Variants in BMPER observed in about 807,000 individuals in gnomAD.
BMPER encodes the protein BMP-binding endothelial regulator protein.
BMPER carries 45 observed loss-of-function variants against 87.3 expected under a neutral mutation model. The observed-to-expected ratio is 0.52, with a 90% confidence interval of 0.41 to 0.66. The LOEUF is 0.66. BMPER is among the 30% of genes least tolerant of loss of function. The pLI is 0.00. For synonymous variants in BMPER, 326 were observed against 316.2 expected (o/e 1.03, Z -0.33); for missense variants, 784 against 867.5 (o/e 0.90, Z 1.21).
chr7:33,988,912 A>G (rs1162017642), intron 6 of BMPER, among the ~76,000 whole-genome samples: 12 of 128,176 alleles, frequency 9.4e-5, no homozygotes, highest in African/African-American at 3.4e-4. Flanking sequence ...GATGATTTCC[A>G]ATTTCATCCA....
chr7:33,986,974 T>A (rs975456290), intron 6 of BMPER, among the ~76,000 whole-genome samples: 6 of 151,970 alleles, frequency 3.9e-5, no homozygotes, highest in Admixed American at 3.9e-4. Context: ...CTGTTCCATC[T>A]CCTTCCCCGC....
intron 3 of BMPER, among the ~76,000 whole-genome samples, chr7:33,962,509 A>C (rs1035244596): frequency 1.1e-4 from 17 of 152,330 alleles, no homozygotes; most frequent in Admixed American, 2.6e-4. Context: ...GTTTAGCATC[A>C]TCCCTGGCCT....
At chr7:34,099,692 C>T (rs1221997960) in intron 13 of BMPER, among the ~76,000 whole-genome samples, 5 of 152,174 alleles carry the variant, frequency 3.3e-5, no homozygotes, top group African/African-American at 1.2e-4. Flanking sequence ...AGGCTGAATT[C>T]ATCATGGAAT....
chr7:34,093,809 T>C (rs1444757391), intron 13 of BMPER, among the ~76,000 whole-genome samples: 3 of 152,222 alleles, frequency 2.0e-5, no homozygotes, highest in Non-Finnish European at 4.4e-5. Context: ...CTAATTATTT[T>C]GTAGCATCTC....
chr7:34,130,047 C>T (rs1379681741), intron 13 of BMPER, among the ~76,000 whole-genome samples: 1 of 152,036 alleles, frequency 6.6e-6, no homozygotes, highest in Non-Finnish European at 1.5e-5. Context: ...TCCCTGTGTT[C>T]TTGACCCCCT....
At chr7:34,070,520 C>T (rs1048721928) in intron 11 of BMPER, among the ~76,000 whole-genome samples, 2 of 152,168 alleles carry the variant, frequency 1.3e-5, no homozygotes, top group African/African-American at 4.8e-5. Flanking sequence ...TTCTCCTTCA[C>T]CCCTTTTTGC....
intron 13 of BMPER, among the ~76,000 whole-genome samples, chr7:34,107,494 A>T (rs1040330648): frequency 2.0e-5 from 3 of 152,192 alleles, no homozygotes; most frequent in African/African-American, 7.2e-5. Flanking sequence ...CCAGGGACCA[A>T]ATTGGAACAA....
intron 6 of BMPER, among the ~76,000 whole-genome samples, chr7:33,989,621 T>C (rs912374837): frequency 1.3e-5 from 2 of 152,246 alleles, no homozygotes; most frequent in African/African-American, 4.8e-5. Flanking sequence ...TTAGTTTAAT[T>C]AGATCCCATT....
intron 2 of BMPER, among the ~76,000 whole-genome samples, chr7:33,918,663 A>G (rs1027737110): frequency 1.3e-5 from 2 of 152,192 alleles, no homozygotes; most frequent in Non-Finnish European, 2.9e-5. Context: ...GCTATGCCAA[A>G]ACAGTTAAGG....
intron 6 of BMPER, among the ~76,000 whole-genome samples, chr7:34,016,161 G>A (rs1052016634): frequency 6.6e-6 from 1 of 151,792 alleles, no homozygotes; most frequent in African/African-American, 2.4e-5. Context: ...TTTATCCCAC[G>A]TATATTTTAT....
intron 6 of BMPER, among the ~76,000 whole-genome samples, chr7:34,011,601 A>T (rs1251437894): frequency 1.3e-5 from 2 of 148,826 alleles, no homozygotes; most frequent in Non-Finnish European, 3.0e-5. Flanking sequence ...AAAAAAAAAA[A>T]AAAGAAAAAA....
chr7:33,965,676 T>C (rs1785387958), intron 3 of BMPER, among the ~76,000 whole-genome samples: 1 of 152,204 alleles, frequency 6.6e-6, no homozygotes, highest in Non-Finnish European at 1.5e-5. Context: ...AAGTGTGTCT[T>C]CCTAGATCGT....
At chr7:34,131,149 G>A (rs1790575179) in intron 13 of BMPER, among the ~76,000 whole-genome samples, 1 of 152,096 alleles carries the variant, frequency 6.6e-6, no homozygotes, top group African/African-American at 2.4e-5. Flanking sequence ...TTTATGATTT[G>A]GCTTTGGGGA....
At chr7:34,144,636 A>G (rs921747407) in intron 14 of BMPER, among the ~76,000 whole-genome samples, 9 of 152,128 alleles carry the variant, frequency 5.9e-5, no homozygotes, top group Non-Finnish European at 1.2e-4. Flanking sequence ...ATCTAGTTAC[A>G]AACATTAGTG....
At chr7:34,151,497 C>T (rs1791174916) in intron 14 of BMPER, among the ~76,000 whole-genome samples, 1 of 152,132 alleles carries the variant, frequency 6.6e-6, no homozygotes, top group African/African-American at 2.4e-5. Context: ...AGGAAGTTAC[C>T]TTTGAGAAGG....
chr7:34,021,521 G>A (rs1787187328), intron 6 of BMPER, among the ~76,000 whole-genome samples: 1 of 151,984 alleles, frequency 6.6e-6, no homozygotes, highest in South Asian at 2.1e-4. Context: ...ACTGTCAGAT[G>A]AGGCAATTGT....
At chr7:34,030,627 A>ATT (rs879593783) in intron 6 of BMPER, among the ~76,000 whole-genome samples, 3 of 147,244 alleles carry the variant, frequency 2.0e-5, no homozygotes, top group Admixed American at 6.8e-5. Context: ...AATTACATTG[A>ATT]TTTTTTTTTT....
At chr7:34,089,078 A>G (rs1232903695) in intron 13 of BMPER, among the ~76,000 whole-genome samples, 1 of 152,178 alleles carries the variant, frequency 6.6e-6, no homozygotes, top group Non-Finnish European at 1.5e-5. Context: ...TTGCTGGTAC[A>G]TTTGATATCA....
chr7:33,950,537 C>T (rs1251400515), intron 3 of BMPER, among the ~76,000 whole-genome samples: 1 of 152,162 alleles, frequency 6.6e-6, no homozygotes, highest in Non-Finnish European at 1.5e-5. Flanking sequence ...CTTCTAAGCT[C>T]ACGTGGCTGT....
Sources: gnomAD v4.1 joint callset for allele counts (sites outside exome capture counted in the v4.1 genomes callset) on GRCh38, gnomAD v4.1.1 for gene constraint, MANE v1.5 for transcripts, NCBI Gene and HGNC (gene_info 2026-07-23, HGNC 2026-07-21) for gene names.